The following TENM2 variants were observed in gnomAD, a reference collection of about 807,000 sequenced individuals.
TENM2 encodes the protein teneurin transmembrane protein 2.
In TENM2, 52 loss-of-function variants were observed where a neutral mutation model predicts 245.2. The ratio of observed to expected loss-of-function variants is 0.21; its 90% CI spans 0.17 to 0.27. TENM2 has a LOEUF of 0.27. TENM2 is among the 10% of genes least tolerant of loss of function. The pLI is 1.00. For synonymous variants in TENM2, 1,363 were observed against 1,438.9 expected, an observed-to-expected ratio of 0.95 and a Z score of 1.19; for missense variants, 3,046 against 3,666.8, an observed-to-expected ratio of 0.83 and a Z score of 4.37.
At chr5:168,230,374 A>C (rs1457093189) in intron 25 of TENM2, among the ~76,000 whole-genome samples, 1 of 152,246 alleles carries the variant, frequency 6.6e-6, no homozygotes. Flanking sequence ...TTTGCATCTC[A>C]TTTATTTTAA....
At chr5:167,008,942 T>C in the TENM2 span, among the ~76,000 whole-genome samples, 1 of 152,170 alleles carries the variant, frequency 6.6e-6, no homozygotes, top group African/African-American at 2.4e-5. Flanking sequence ...CTGCAGAATG[T>C]CCCACTTACA....
intron 2 of TENM2, among the ~76,000 whole-genome samples, chr5:167,442,129 C>G (rs1327337461): frequency 6.6e-6 from 1 of 152,202 alleles, no homozygotes. Context: ...CAGGCCCCTT[C>G]CTCCCCTTTC....
chr5:167,777,356 TGAA>T (rs1320523213), intron 2 of TENM2, among the ~76,000 whole-genome samples: 1 of 152,258 alleles, frequency 6.6e-6, no homozygotes, highest in Non-Finnish European at 1.5e-5. Context: ...ATTCATACAA[TGAA>T]TAAGTATACT....
At chr5:167,671,904 A>G (rs1433953781) in intron 2 of TENM2, among the ~76,000 whole-genome samples, 1 of 151,996 alleles carries the variant, frequency 6.6e-6, no homozygotes, top group Admixed American at 6.6e-5. Context: ...AAACATTTCA[A>G]TAGTCATAGT....
the TENM2 span, among the ~76,000 whole-genome samples, chr5:167,233,437 A>G: frequency 2.6e-5 from 4 of 152,170 alleles, no homozygotes; most frequent in African/African-American, 9.7e-5. Flanking sequence ...GGGAAGGGCA[A>G]AAAGCTCCTA....
chr5:167,519,819 C>G (rs1416095175), intron 2 of TENM2, among the ~76,000 whole-genome samples: 1 of 152,140 alleles, frequency 6.6e-6, no homozygotes, highest in Non-Finnish European at 1.5e-5. Flanking sequence ...ACAAACATCT[C>G]TACACACACA....
intron 12 of TENM2, among the ~76,000 whole-genome samples, chr5:168,132,079 G>A (rs1257155549): frequency 2.5e-4 from 38 of 151,668 alleles, no homozygotes; most frequent in Non-Finnish European, 1.5e-5. Flanking sequence ...TGCAGATCAG[G>A]AGTCACCACA....
chr5:167,181,596 G>C, the TENM2 span, among the ~76,000 whole-genome samples: 1 of 151,230 alleles, frequency 6.6e-6, no homozygotes, highest in African/African-American at 2.4e-5. Context: ...AAATGTGTCT[G>C]GCTCAACACG....
chr5:168,167,718 T>G (rs542624959), intron 13 of TENM2, among the ~76,000 whole-genome samples: 94 of 152,332 alleles, frequency 6.2e-4, no homozygotes, highest in African/African-American at 2.2e-3. Flanking sequence ...CAGGTGACAC[T>G]GTATCATCAT....
chr5:168,103,982 C>T (rs566436504), intron 9 of TENM2, among the ~76,000 whole-genome samples: 85 of 151,850 alleles, frequency 5.6e-4, no homozygotes, highest in African/African-American at 2.0e-3. Context: ...GGGCCATGAT[C>T]GGTGTCCTTC....
At chr5:168,216,554 C>G (rs74506141) in intron 21 of TENM2, among the ~76,000 whole-genome samples, 4,110 of 152,200 alleles carry the variant, frequency 0.027, 130 homozygotes, top group African/African-American at 0.076. Flanking sequence ...GGTGATATAG[C>G]CAGCACCCTA....
the TENM2 span, among the ~76,000 whole-genome samples, chr5:166,995,540 C>T: frequency 6.6e-6 from 1 of 151,984 alleles, no homozygotes; most frequent in Non-Finnish European, 1.5e-5. Context: ...CGCGCCCGGC[C>T]ACATGTGATG....
the TENM2 span, among the ~76,000 whole-genome samples, chr5:167,068,506 A>T: frequency 6.6e-6 from 1 of 152,346 alleles, no homozygotes; most frequent in South Asian, 2.1e-4. Context: ...TATCTTTTTA[A>T]TGTATAACCA....
At chr5:167,270,573 G>T in the TENM2 span, among the ~76,000 whole-genome samples, 2 of 151,996 alleles carry the variant, frequency 1.3e-5, no homozygotes, top group African/African-American at 4.8e-5. Flanking sequence ...AGAGGCACTC[G>T]AATATACTGG....
chr5:167,464,263 A>C (rs1766506116), intron 2 of TENM2, among the ~76,000 whole-genome samples: 1 of 151,994 alleles, frequency 6.6e-6, no homozygotes, highest in Non-Finnish European at 1.5e-5. Flanking sequence ...AGAGAGAGAG[A>C]ATGTGCATTG....
intron 2 of TENM2, among the ~76,000 whole-genome samples, chr5:167,767,507 T>C (rs930498519): frequency 3.9e-5 from 6 of 152,230 alleles, no homozygotes; most frequent in African/African-American, 1.4e-4. Context: ...GTGAATGTAC[T>C]TAATGCCATT....
chr5:167,376,568 G>T (rs1040428093), intron 2 of TENM2, among the ~76,000 whole-genome samples: 4 of 151,976 alleles, frequency 2.6e-5, no homozygotes, highest in African/African-American at 9.7e-5. Flanking sequence ...TGGGTAAGTC[G>T]CACATACTCA....
intron 2 of TENM2, among the ~76,000 whole-genome samples, chr5:167,558,718 G>A (rs1316030880): frequency 6.6e-6 from 1 of 152,098 alleles, no homozygotes; most frequent in African/African-American, 2.4e-5. Context: ...CTACATTATG[G>A]TGAGTATGTA....
In TENM2 at chr5:167,855,867, A is replaced by G. The variant is rs1275576636; in HGVS notation, c.503-20119A>G. Among the ~76,000 whole-genome samples, 375 of 68,994 alleles carry G rather than the reference A, an allele frequency of 5.4e-3. 2 individuals are homozygous for G. Among genetic ancestry groups the G allele is most frequent in the African/African-American group, 0.017 (354 of 21,124 alleles). 45.3% of individuals were successfully genotyped at this position (68,994 alleles called of 152,430 possible). On this transcript the variant is annotated intron_variant, in intron 2 of 28. Coordinates refer to ENST00000518659, the Ensembl canonical transcript of TENM2. ...GGAGGGAAGGAATGAGGGAGGGAGGAAGGAAGGGAGGAAGGAAGGGAAGGA... is the reference window on the plus strand; with the variant it reads ...GGAGGGAAGGAATGAGGGAGGGAGGGAGGAAGGGAGGAAGGAAGGGAAGGA...
Sources: gnomAD v4.1 joint callset for allele counts (sites outside exome capture counted in the v4.1 genomes callset) on GRCh38, gnomAD v4.1.1 for gene constraint, MANE v1.5 for transcripts, NCBI Gene and HGNC (gene_info 2026-07-23, HGNC 2026-07-21) for gene names.